The following RPS6KC1 variants were observed in gnomAD, a reference collection of about 807,000 sequenced individuals.
The protein encoded by RPS6KC1 is ribosomal protein S6 kinase C1.
In RPS6KC1, 54 loss-of-function variants were observed where a neutral mutation model predicts 103.8. The ratio of observed to expected loss-of-function variants is 0.52; its 90% CI spans 0.42 to 0.65. The LOEUF is 0.65. Ranked by LOEUF, RPS6KC1 falls within the 30% of genes least tolerant of loss-of-function variation. The pLI is 0.00. For synonymous variants in RPS6KC1, 439 were observed against 438.7 expected (o/e 1.00, Z -0.01); for missense variants, 1,151 against 1,253.8 (o/e 0.92, Z 1.24).
chr1:213,650,058 C>T, the RPS6KC1 span, among the ~76,000 whole-genome samples: 1 of 152,146 alleles, frequency 6.6e-6, no homozygotes, highest in Non-Finnish European at 1.5e-5. Flanking sequence ...TGAGTTTGGC[C>T]TTGTCATACG....
the RPS6KC1 span, among the ~76,000 whole-genome samples, chr1:213,767,695 C>A: frequency 1.3e-5 from 2 of 152,180 alleles, no homozygotes; most frequent in Non-Finnish European, 2.9e-5. Context: ...TAATGACATA[C>A]CTTCAGAAAA....
the RPS6KC1 span, chr1:213,839,951 T>A: frequency 2.0e-5 from 3 of 152,202 alleles, no homozygotes; most frequent in Non-Finnish European, 4.4e-5. Flanking sequence ...GTAAATTACC[T>A]ACTACCAAGC....
At chr1:213,854,578 CTT>C in the RPS6KC1 span, among the ~76,000 whole-genome samples, 37 of 139,894 alleles carry the variant, frequency 2.6e-4, 1 homozygote, top group African/African-American at 8.0e-4. Context: ...CTCTCTCTCT[CTT>C]TCTTTCTTTC....
the RPS6KC1 span, among the ~76,000 whole-genome samples, chr1:213,720,381 T>C: frequency 6.6e-6 from 1 of 152,232 alleles, no homozygotes; most frequent in Non-Finnish European, 1.5e-5. Flanking sequence ...CTTAAGGGGA[T>C]TTGTACAACG....
chr1:213,489,494 C>G, the RPS6KC1 span, among the ~76,000 whole-genome samples: 10 of 151,888 alleles, frequency 6.6e-5, no homozygotes, highest in South Asian at 4.5e-4. Context: ...ATTCAATAAG[C>G]ATTTATTGAG....
chr1:213,774,556 A>G, the RPS6KC1 span, among the ~76,000 whole-genome samples: 159 of 152,328 alleles, frequency 1.0e-3, 1 homozygote, highest in African/African-American at 3.8e-3. Context: ...AAACAGAAGT[A>G]CACAAAGAAA....
chr1:213,601,728 C>G, the RPS6KC1 span, among the ~76,000 whole-genome samples: 1 of 151,896 alleles, frequency 6.6e-6, no homozygotes, highest in Non-Finnish European at 1.5e-5. Context: ...ACAATGGATT[C>G]TGTCCTCTCT....
intron 4 of RPS6KC1, among the ~76,000 whole-genome samples, chr1:213,108,311 A>T (rs2082684747): frequency 6.6e-6 from 1 of 152,138 alleles, no homozygotes; most frequent in South Asian, 2.1e-4. Context: ...TGGTGTGTGT[A>T]TATCTAATAT....
the RPS6KC1 span, among the ~76,000 whole-genome samples, chr1:213,495,544 A>G: frequency 6.6e-6 from 1 of 152,032 alleles, no homozygotes; most frequent in Non-Finnish European, 1.5e-5. Context: ...CTGGTCTCGA[A>G]CTCCTGACTC....
chr1:213,837,464 TTCTG>T, the RPS6KC1 span, among the ~76,000 whole-genome samples: 4 of 152,198 alleles, frequency 2.6e-5, no homozygotes, highest in Non-Finnish European at 5.9e-5. Flanking sequence ...TTTCTTTTTG[TTCTG>T]TCTTTCAGCA....
the RPS6KC1 span, among the ~76,000 whole-genome samples, chr1:213,659,493 A>G: frequency 6.6e-6 from 1 of 152,358 alleles, no homozygotes; most frequent in East Asian, 1.9e-4. Flanking sequence ...GTTACCAAAG[A>G]ACATTTTCTT....
chr1:213,862,040 G>C, the RPS6KC1 span, among the ~76,000 whole-genome samples: 1 of 152,122 alleles, frequency 6.6e-6, no homozygotes, highest in East Asian at 1.9e-4. Context: ...AAAGCGGGGG[G>C]CAGGTGAGCA....
At chr1:213,618,825 G>A in the RPS6KC1 span, among the ~76,000 whole-genome samples, 1 of 152,184 alleles carries the variant, frequency 6.6e-6, no homozygotes, top group African/African-American at 2.4e-5. Flanking sequence ...CTTATGGTGA[G>A]TTGACTTTAG....
chr1:213,516,737 C>G, the RPS6KC1 span, among the ~76,000 whole-genome samples: 1 of 152,186 alleles, frequency 6.6e-6, no homozygotes, highest in South Asian at 2.1e-4. Flanking sequence ...TGATGATGGC[C>G]TCATAAAATG....
chr1:213,698,043 A>G, the RPS6KC1 span, among the ~76,000 whole-genome samples: 24 of 152,130 alleles, frequency 1.6e-4, no homozygotes, highest in East Asian at 3.1e-3. Context: ...CTAGTTTTTC[A>G]TTGTACAGAC....
chr1:213,485,170 G>T, the RPS6KC1 span, among the ~76,000 whole-genome samples: 3 of 152,150 alleles, frequency 2.0e-5, no homozygotes, highest in African/African-American at 7.2e-5. Context: ...CTGGCCTAAG[G>T]GAATATTTTC....
At chr1:213,358,330 A>G in the RPS6KC1 span, among the ~76,000 whole-genome samples, 17 of 152,296 alleles carry the variant, frequency 1.1e-4, no homozygotes, top group South Asian at 3.1e-3. Flanking sequence ...TGGTCTATTC[A>G]GAGATTCAAC....
chr1:213,075,899 G>A (rs986170342), intron 2 of RPS6KC1, among the ~76,000 whole-genome samples: 1 of 152,032 alleles, frequency 6.6e-6, no homozygotes, highest in Non-Finnish European at 1.5e-5. Context: ...ACTCTCTAAG[G>A]TAGTACTTTT....
chr1:213,814,638 C>T, the RPS6KC1 span, among the ~76,000 whole-genome samples: 2 of 152,220 alleles, frequency 1.3e-5, no homozygotes, highest in African/African-American at 4.8e-5. Context: ...TAACCATTCA[C>T]TGAATGGTTA....
Sources: gnomAD v4.1 joint callset for allele counts (sites outside exome capture counted in the v4.1 genomes callset) on GRCh38, gnomAD v4.1.1 for gene constraint, MANE v1.5 for transcripts, NCBI Gene and HGNC (gene_info 2026-07-23, HGNC 2026-07-21) for gene names.